Variants in NPC2 observed in about 807,000 individuals in gnomAD.
NPC2 encodes the protein NPC intracellular cholesterol transporter 2.
A neutral mutation model predicts 17.0 loss-of-function variants in NPC2; 14 were observed. The ratio of observed to expected loss-of-function variants is 0.82; its 90% CI spans 0.54 to 1.29. The LOEUF (loss-of-function observed/expected upper bound fraction) is 1.29, where lower values mean the gene tolerates loss of function less well. Ranked by LOEUF, NPC2 falls within the 50% of genes most tolerant of loss-of-function variation. The pLI is 0.00. For synonymous variants in NPC2, 75 were observed against 69.3 expected (o/e 1.08, Z -0.41); for missense variants, 167 against 183.4 (o/e 0.91, Z 0.52).
intron 1 of NPC2, among the ~76,000 whole-genome samples, chr14:74,492,180 C>G (rs1415775582): frequency 1.3e-5 from 2 of 152,170 alleles, no homozygotes; most frequent in African/African-American, 4.8e-5. Context: ...CTTAAAAACT[C>G]TGATCCCCGA....
At chr14:74,486,571 T>C in intron 1 of NPC2, 135 bp from the exon 2 acceptor site, 1 of 723,276 alleles carries the variant, frequency 1.4e-6, no homozygotes, top group Non-Finnish European at 2.5e-6. Flanking sequence ...TTTCCCAGGA[T>C]GGAATCTTTA....
rs1595229193 is a variant in NPC2 at position 74,493,285 on chromosome 14, G to C, written c.-11C>G. 2 of 1,611,956 alleles carry C rather than the reference G, an allele frequency of 1.2e-6. No individual in the cohort carries two copies. Among genetic ancestry groups the C allele is most frequent in the African/African-American group, 2.7e-5 (2 of 74,886 alleles). On this transcript the variant is annotated 5_prime_UTR_variant, in exon 1 of 5. Transcript: ENST00000555619. The surrounding 1 kb of genome is among the most constrained non-coding windows in gnomAD (Gnocchi z 4.1). Reference sequence around the variant, plus strand: ...TGCCAGGAAACGCATCGCGGATAACGAAGTTCCAAGCTCGGGAAAGAAGCA... The same window carrying C: ...TGCCAGGAAACGCATCGCGGATAACCAAGTTCCAAGCTCGGGAAAGAAGCA...
At chr14:74,483,693 CTGTGTA>C (rs1420193807) in intron 3 of NPC2, among the ~76,000 whole-genome samples, 1 of 152,212 alleles carries the variant, frequency 6.6e-6, no homozygotes, top group East Asian at 1.9e-4. Context: ...AAAAACTGCT[CTGTGTA>C]TATCTCTTGG....
At chr14:74,485,294 CAAAAAAAAAAAAAA>C (rs61395005) in intron 2 of NPC2, among the ~76,000 whole-genome samples, 1,603 of 71,424 alleles carry the variant, frequency 0.022, 30 homozygotes, top group African/African-American at 0.1. Context: ...GACTCTGTCA[CAAAAAAAAAAAAAA>C]AAAAAAAAAA....
intron 3 of NPC2, chr14:74,483,160 A>T: frequency 1.2e-6 from 1 of 854,524 alleles, no homozygotes. Flanking sequence ...AGGGCAATTT[A>T]CAGCAATGAG....
intron 2 of NPC2, among the ~76,000 whole-genome samples, chr14:74,485,384 A>C (rs2086702053): frequency 6.6e-6 from 1 of 151,288 alleles, no homozygotes; most frequent in Admixed American, 6.6e-5. Context: ...TCCACATCAC[A>C]AGATGGCCAG....
intron 3 of NPC2, among the ~76,000 whole-genome samples, chr14:74,484,199 A>G (rs527822983): frequency 1.3e-5 from 2 of 152,336 alleles, no homozygotes; most frequent in Admixed American, 1.3e-4. Flanking sequence ...GCCCAGGCTA[A>G]CCATCAGGTC....
upstream of NPC2, chr14:74,493,474 G>A: frequency 7.9e-7 from 1 of 1,257,974 alleles, no homozygotes; most frequent in Non-Finnish European, 1.1e-6. This position sits in a 1 kb window ranked among gnomAD's most constrained non-coding sequence, Gnocchi z 4.1. Flanking sequence ...TGCAGTCTCC[G>A]CCCATGCCAT....
At chr14:74,481,090 T>C (rs1310378710) in intron 3 of NPC2, among the ~76,000 whole-genome samples, 2 of 152,238 alleles carry the variant, frequency 1.3e-5, no homozygotes, top group Non-Finnish European at 2.9e-5. Flanking sequence ...GGTTTGGTTA[T>C]TTGTCCCTTT....
rs1252419103 is a variant in NPC2 at position 74,484,373 on chromosome 14, A to C, written c.363+42T>G. 7 of 1,608,432 alleles carry C rather than the reference A, an allele frequency of 4.4e-6. No homozygotes were observed. The African/African-American group carries it at 6.7e-5, about 15-fold the overall frequency. On this transcript the variant is annotated intron_variant, in intron 3 of 4. Coordinates refer to ENST00000555619, the MANE Select transcript of NPC2 (RefSeq NM_006432.5). Reference sequence around the variant, plus strand: ...CCCACTGCCCTCAGAACTCTAATCCAGTCCCAAGGCCTCCCGTGTCCTCAA... The same window carrying C: ...CCCACTGCCCTCAGAACTCTAATCCCGTCCCAAGGCCTCCCGTGTCCTCAA...
At chr14:74,481,030 T>C (rs2086651072) in intron 3 of NPC2, among the ~76,000 whole-genome samples, 2 of 152,384 alleles carry the variant, frequency 1.3e-5, no homozygotes, top group South Asian at 4.1e-4. Flanking sequence ...ATGTAATTTC[T>C]AAAGCATTCT....
In NPC2 at chr14:74,479,967, A is replaced by G. The variant is rs2086637580; in HGVS notation, c.*307T>C. The G allele has an allele frequency of 3.0e-6, 4 of 1,331,412 alleles. No homozygotes were observed. The highest frequency in any genetic ancestry group is 2.9e-6 in the Non-Finnish European group (3 of 1,035,684). The allele number at this position is 1,331,412 out of a possible 1,614,324, so 82.5% of individuals were successfully genotyped here. A position where few individuals can be genotyped will look rare whatever the true frequency, so the allele number is the denominator to read the frequency against. On this transcript the variant is annotated 3_prime_UTR_variant, in exon 5 of 5. Coordinates refer to ENST00000555619, the MANE Select transcript of NPC2 (RefSeq NM_006432.5). Reference sequence around the variant, plus strand: ...CAGAAGACAAGACAAACGAGTTTTTATTTATTCAAGAGTAAATTTCCAGGT... The same window carrying G: ...CAGAAGACAAGACAAACGAGTTTTTGTTTATTCAAGAGTAAATTTCCAGGT...
chr14:74,489,479 C>G (rs1018268668), intron 1 of NPC2, among the ~76,000 whole-genome samples: 1 of 152,184 alleles, frequency 6.6e-6, no homozygotes, highest in Non-Finnish European at 1.5e-5. Flanking sequence ...TGATTTTAAG[C>G]ACACATCTGC....
intron 2 of NPC2, among the ~76,000 whole-genome samples, chr14:74,485,556 G>T (rs891504081): frequency 1.4e-5 from 2 of 141,078 alleles, no homozygotes; most frequent in Non-Finnish European, 3.0e-5. Context: ...AGAGGCCAGG[G>T]TATAGTCCAG....
intron 1 of NPC2, among the ~76,000 whole-genome samples, chr14:74,488,459 T>TGGG (rs2086736265): frequency 1.3e-5 from 2 of 152,220 alleles, no homozygotes; most frequent in Non-Finnish European, 2.9e-5. Context: ...CTCATGCCTA[T>TGGG]AATCCCAGCA....
chr14:74,486,181 G>A lies in NPC2; in HGVS notation c.190+148C>T, dbSNP rs1050230902. 2.6e-5 allele frequency: 21 copies of A among 797,430 alleles called. No homozygotes were observed. In the African/African-American group the frequency reaches 3.2e-4, roughly 12 times the overall value. The allele number at this position is 797,430 out of a possible 1,614,324, so 49.4% of individuals were successfully genotyped here. A position where few individuals can be genotyped will look rare whatever the true frequency, so the allele number is the denominator to read the frequency against. ...CATGAGAAGGGTGTCCAAGGGCACA[G>A]TGAACCCTAGCTTTGCATGAGGTGC... On this transcript the variant is annotated intron_variant, in intron 2 of 4. Transcript: ENST00000555619.
chr14:74,486,526 C>T (rs2086714717), intron 1 of NPC2, 90 bp from the exon 2 acceptor site: 4 of 1,016,880 alleles, frequency 3.9e-6, no homozygotes, highest in Non-Finnish European at 6.0e-6. Context: ...GTGCTCTGCT[C>T]TCCCATTTAG....
intron 1 of NPC2, among the ~76,000 whole-genome samples, chr14:74,486,906 T>C (rs2086717964): frequency 6.6e-6 from 1 of 152,154 alleles, no homozygotes. Flanking sequence ...TTCTAGCATA[T>C]AGATTAGCAT....
At chr14:74,488,528 A>G (rs182620540) in intron 1 of NPC2, among the ~76,000 whole-genome samples, 1 of 152,330 alleles carries the variant, frequency 6.6e-6, no homozygotes, top group East Asian at 1.9e-4. Context: ...AGCCTGACCA[A>G]CATGGTGAAA....
Sources: gnomAD v4.1 joint callset for allele counts (sites outside exome capture counted in the v4.1 genomes callset) on GRCh38, gnomAD v4.1.1 for gene constraint, Gnocchi (gnomAD v3.1) non-coding constraint, MANE v1.5 for transcripts, NCBI Gene and HGNC (gene_info 2026-07-23, HGNC 2026-07-21) for gene names.